STXBP5L: variants seen among roughly 807,000 people sequenced by gnomAD.
STXBP5L encodes syntaxin binding protein 5L.
STXBP5L carries 65 observed loss-of-function variants against 144.5 expected under a neutral mutation model. The observed-to-expected ratio is 0.45, with a 90% CI of 0.37 to 0.55. The LOEUF is 0.55. STXBP5L is among the 20% of genes least tolerant of loss of function. The pLI is 0.00. For missense variants in STXBP5L, 1,298 were observed against 1,405.5 expected, an observed-to-expected ratio of 0.92 and a Z score of 1.22; for synonymous variants, 505 against 469.6, an observed-to-expected ratio of 1.08 and a Z score of -0.97.
intron 20 of STXBP5L, among the ~76,000 whole-genome samples, chr3:121,351,031 C>G (rs183485176): frequency 6.6e-6 from 1 of 151,562 alleles, no homozygotes; most frequent in Non-Finnish European, 1.5e-5. Flanking sequence ...GGAGGAGAGG[C>G]GCTCTGGTTT....
intron 3 of STXBP5L, among the ~76,000 whole-genome samples, chr3:121,004,681 G>T (rs1234193772): frequency 2.0e-5 from 3 of 152,172 alleles, no homozygotes; most frequent in African/African-American, 7.2e-5. Flanking sequence ...GATATTGGCT[G>T]TGGGTTTGTC....
In STXBP5L at chr3:121,340,618, G is replaced by T. The variant is rs187357639; in HGVS notation, c.2176+22078G>T. On this transcript the variant is annotated intron_variant, in intron 20 of 26. Transcript: ENST00000471454. The stretch of plus-strand genomic sequence containing the variant: ...GCCCTTGTGATAGTTTGCTTAGAAT[G>T]ATGGTTTTCAACTTCATCCATGTTC... 4.6e-4 allele frequency among the ~76,000 whole-genome samples: 70 copies of T among 152,056 alleles called. 1 individual carries two copies. The highest frequency in any genetic ancestry group is 1.5e-3 in the African/African-American group (64 of 41,490).
intron 22 of STXBP5L, among the ~76,000 whole-genome samples, chr3:121,406,046 T>C (rs1379330433): frequency 6.6e-6 from 1 of 152,080 alleles, no homozygotes; most frequent in Non-Finnish European, 1.5e-5. Context: ...AACAGCAGGA[T>C]CAATCCTAGG....
rs180871081 is a variant in STXBP5L at position 120,980,188 on chromosome 3, T to C, written c.287+25151T>C. Among the ~76,000 whole-genome samples the C allele has an allele frequency of 4.7e-4, 71 of 152,294 alleles. 1 individual carries two copies. The highest frequency in any genetic ancestry group is 1.6e-3 in the African/African-American group (68 of 41,572). On this transcript the variant is annotated intron_variant, in intron 3 of 26. Transcript: ENST00000471454. ...CATGTGCAGAACAGGAGAATATATA[T>C]TGTGTGGTTGTTGGCTAGAATGTTT...
In STXBP5L at chr3:121,098,104, G is replaced by A. The variant is rs550483899; in HGVS notation, c.471-16821G>A. Among the ~76,000 whole-genome samples, 5 of 152,222 alleles carry A rather than the reference G, an allele frequency of 3.3e-5. No homozygotes were observed. The South Asian group carries it at 1.0e-3, about 32-fold the overall frequency. On this transcript the variant is annotated intron_variant, in intron 5 of 26. Transcript: ENST00000471454. ...GTTCAACCTACGGTACTGATATCAA[G>A]AAATGTGGAAAGCACATTATATTAT...
At chr3:121,410,762 C>T (rs1346229197) in intron 23 of STXBP5L, among the ~76,000 whole-genome samples, 3 of 151,970 alleles carry the variant, frequency 2.0e-5, no homozygotes, top group Non-Finnish European at 4.4e-5. Flanking sequence ...TTTAGTTACC[C>T]GACACTATTT....
chr3:121,103,573 G>T (rs538604814), intron 5 of STXBP5L, among the ~76,000 whole-genome samples: 1 of 152,030 alleles, frequency 6.6e-6, no homozygotes, highest in East Asian at 1.9e-4. Flanking sequence ...TGGGTACTGT[G>T]CTTACCTCAG....
chr3:121,223,030 G>A lies in STXBP5L; in HGVS notation c.984G>A (p.Gly328=). ...NSEPFIIFSG[G]LSYDKACRRP... ...AACCATTCATAATATTCTCTGGTGG[G>A]CTGTCCTATGACAAAGCTTGTAGAA... is the stretch of plus-strand genomic sequence containing the variant. The change falls in exon 11 of 27, where the codon GGG becomes GGA. Residue 328 remains glycine (G), a synonymous_variant. Transcript: ENST00000471454. The A allele has an allele frequency of 3.7e-6, 6 of 1,608,924 alleles. No individual in the cohort carries two copies. The highest frequency in any genetic ancestry group is 2.2e-5 in the East Asian group (1 of 44,788).
At chr3:121,275,530 A>G (rs1708206906) in intron 18 of STXBP5L, among the ~76,000 whole-genome samples, 2 of 152,120 alleles carry the variant, frequency 1.3e-5, no homozygotes, top group South Asian at 4.1e-4. Flanking sequence ...AGTTCCATAA[A>G]TTTTAGTTCA....
At chr3:121,064,434 C>A (rs2041444724) in intron 5 of STXBP5L, among the ~76,000 whole-genome samples, 1 of 152,212 alleles carries the variant, frequency 6.6e-6, no homozygotes, top group Non-Finnish European at 1.5e-5. Context: ...TTGCCAGCCG[C>A]TCTTGCATTT....
chr3:121,119,296 G>C (rs946550981), intron 6 of STXBP5L, among the ~76,000 whole-genome samples: 2 of 151,376 alleles, frequency 1.3e-5, no homozygotes, highest in South Asian at 2.1e-4. Flanking sequence ...GTGCTATCCA[G>C]GTTGGTACAG....
chr3:121,191,271 A>C (rs1329833477), intron 9 of STXBP5L, among the ~76,000 whole-genome samples: 2 of 152,102 alleles, frequency 1.3e-5, no homozygotes, highest in East Asian at 3.9e-4. Context: ...AGTGAGCGAG[A>C]CTCCCTCTGC....
chr3:121,367,669 T>A (rs187306819), intron 20 of STXBP5L, among the ~76,000 whole-genome samples: 1 of 148,030 alleles, frequency 6.8e-6, no homozygotes, highest in African/African-American at 2.5e-5. Context: ...AGTGGCCTGA[T>A]TGATCATGGC....
chr3:121,075,200 G>A (rs2041969447), intron 5 of STXBP5L, among the ~76,000 whole-genome samples: 2 of 152,098 alleles, frequency 1.3e-5, no homozygotes, highest in Admixed American at 6.5e-5. Flanking sequence ...CTTGATTGTT[G>A]CCTCTATCCT....
At chr3:121,208,171 A>T (rs1002654191) in intron 10 of STXBP5L, among the ~76,000 whole-genome samples, 4 of 152,192 alleles carry the variant, frequency 2.6e-5, no homozygotes, top group Admixed American at 2.0e-4. Context: ...GGATGAGTTC[A>T]TGTCCTTTGT....
intron 5 of STXBP5L, among the ~76,000 whole-genome samples, chr3:121,048,483 ATGAAT>A (rs1947682433): frequency 6.6e-6 from 1 of 152,102 alleles, no homozygotes. Context: ...AGGGATACTA[ATGAAT>A]TGGAGATTTG....
intron 2 of STXBP5L, among the ~76,000 whole-genome samples, chr3:120,927,792 C>CA (rs375682546): frequency 2.4e-4 from 37 of 152,086 alleles, no homozygotes; most frequent in African/African-American, 8.9e-4. Flanking sequence ...TCTGTATGGG[C>CA]AGTGAAACAA....
intron 7 of STXBP5L, among the ~76,000 whole-genome samples, chr3:121,133,442 G>A (rs2045090817): frequency 6.6e-6 from 1 of 152,022 alleles, no homozygotes; most frequent in South Asian, 2.1e-4. Flanking sequence ...GTTTTTAGCA[G>A]AAAAATTGCA....
At position 121,254,875 on chromosome 3, in the gene STXBP5L, T is replaced by C. The variant is rs2050154609; in HGVS notation, c.1442-20T>C. ...AATTAAGTTTAAATTAGAAGATAAC[T>C]GTGCTTCGATGTCTTATAGTAACTC... On this transcript the variant is annotated intron_variant, in intron 15 of 26. Transcript: ENST00000471454. 8 of 1,557,300 alleles carry C rather than the reference T, an allele frequency of 5.1e-6. No individual in the cohort carries two copies. Among genetic ancestry groups the C allele is most frequent in the Non-Finnish European group, 6.1e-6 (7 of 1,150,824 alleles).
Sources: gnomAD v4.1 joint callset for allele counts (sites outside exome capture counted in the v4.1 genomes callset) on GRCh38, gnomAD v4.1.1 for gene constraint, MANE v1.5 for transcripts, NCBI Gene and HGNC (gene_info 2026-07-23, HGNC 2026-07-21) for gene names.